Variants in RNF38 observed in about 807,000 individuals in gnomAD.
The protein encoded by RNF38 is ring finger protein 38.
Under a neutral mutation model 67.2 loss-of-function variants are expected in RNF38, and 15 were observed. The observed-to-expected ratio is 0.22, with a 90% CI of 0.15 to 0.34. RNF38 has a LOEUF of 0.34. Ranked by LOEUF, RNF38 falls within the 10% of genes least tolerant of loss-of-function variation. The pLI is 1.00. For missense variants in RNF38, 524 were observed against 639.9 expected, an observed-to-expected ratio of 0.82 and a Z score of 1.95; for synonymous variants, 220 against 218.8, an observed-to-expected ratio of 1.01 and a Z score of -0.05.
At chr9:36,374,928 G>C (rs1003075083) in intron 3 of RNF38, among the ~76,000 whole-genome samples, 6 of 152,236 alleles carry the variant, frequency 3.9e-5, no homozygotes, top group South Asian at 2.1e-4. Context: ...ACATTAATTG[G>C]GGAGGAGGGG....
chr9:36,362,055 A>G (rs976101960), intron 4 of RNF38, among the ~76,000 whole-genome samples: 2 of 152,096 alleles, frequency 1.3e-5, no homozygotes, highest in Non-Finnish European at 2.9e-5. Context: ...GAAATAGTAC[A>G]TTTTAAAATC....
At chr9:36,349,775 T>C (rs1276459536) in intron 9 of RNF38, among the ~76,000 whole-genome samples, 2 of 152,196 alleles carry the variant, frequency 1.3e-5, no homozygotes, top group Non-Finnish European at 2.9e-5. Flanking sequence ...AGGTCTTTAA[T>C]CTATTTTGAG....
At chr9:36,371,178 T>C (rs908270325) in intron 3 of RNF38, among the ~76,000 whole-genome samples, 2 of 152,116 alleles carry the variant, frequency 1.3e-5, no homozygotes, top group Non-Finnish European at 2.9e-5. Flanking sequence ...ACTTTCTTTA[T>C]GGTCACTTTT....
intron 2 of RNF38, among the ~76,000 whole-genome samples, chr9:36,379,176 A>T (rs1464409790): frequency 6.6e-6 from 1 of 152,242 alleles, no homozygotes; most frequent in African/African-American, 2.4e-5. Context: ...TTGGGATTAC[A>T]GGCGTGAGCC....
chr9:36,347,446 A>C (rs1833349609), intron 9 of RNF38, among the ~76,000 whole-genome samples: 1 of 152,204 alleles, frequency 6.6e-6, no homozygotes, highest in Non-Finnish European at 1.5e-5. Flanking sequence ...ACAGTCATGT[A>C]GTCATTTCAT....
upstream of RNF38, chr9:36,400,761 A>G: frequency 1.0e-6 from 1 of 985,624 alleles, no homozygotes; most frequent in Non-Finnish European, 1.2e-6. Flanking sequence ...GCGCCAGGAA[A>G]CGACGGCTGC....
intron 4 of RNF38, among the ~76,000 whole-genome samples, chr9:36,363,177 G>T (rs988960804): frequency 1.0e-5 from 1 of 99,442 alleles, no homozygotes; most frequent in African/African-American, 3.0e-5. Flanking sequence ...GGGCTCGAGG[G>T]ATCCTCCAGC....
At chr9:36,463,111 T>C (rs993487220) in intron 1 of RNF38, among the ~76,000 whole-genome samples, 48 of 152,212 alleles carry the variant, frequency 3.2e-4, no homozygotes, top group African/African-American at 1.1e-3. Flanking sequence ...TATCTTGGCC[T>C]ACCCTGATCT....
chr9:36,402,153 A>G (rs1006666083), upstream of RNF38, among the ~76,000 whole-genome samples: 1 of 152,204 alleles, frequency 6.6e-6, no homozygotes, highest in Non-Finnish European at 1.5e-5. Flanking sequence ...CTGCTGAATC[A>G]AAGTTCCAGC....
Position 36,337,073 on chromosome 9 carries a change from A to T in RNF38, c.*2679T>A, listed in dbSNP as rs116185342. ...CAGCTGAGTTAAGATGGTAAAGCCA[A>T]TATTATTTTAGGAGGAAAGAGGACG... On this transcript the variant is annotated 3_prime_UTR_variant, in exon 12 of 12. Transcript: ENST00000259605. The T allele has an allele frequency of 2.6e-5, 4 of 152,352 alleles. No homozygotes were observed. In the South Asian group the frequency reaches 8.3e-4, roughly 32 times the overall value. The allele number at this position is 152,352 out of a possible 1,614,324, so 9.4% of individuals were successfully genotyped here. A position where few individuals can be genotyped will look rare whatever the true frequency, so the allele number is the denominator to read the frequency against.
intron 2 of RNF38, among the ~76,000 whole-genome samples, chr9:36,422,680 T>C (rs1587110427): frequency 1.3e-5 from 2 of 152,276 alleles, no homozygotes; most frequent in South Asian, 4.1e-4. Context: ...AATCAATATA[T>C]ACATGGTAGG....
At chr9:36,407,838 G>T (rs554423893) in intron 2 of RNF38, among the ~76,000 whole-genome samples, 1 of 152,210 alleles carries the variant, frequency 6.6e-6, no homozygotes, top group African/African-American at 2.4e-5. Flanking sequence ...ACAGATCTAG[G>T]TTATTCTTTT....
At chr9:36,480,534 GT>G (rs1215097060) in intron 1 of RNF38, among the ~76,000 whole-genome samples, 1 of 139,882 alleles carries the variant, frequency 7.1e-6, no homozygotes, top group East Asian at 2.1e-4. Flanking sequence ...TATGTATACA[GT>G]TTTTTTCTTT....
intron 1 of RNF38, among the ~76,000 whole-genome samples, chr9:36,471,214 T>C (rs925306561): frequency 1.1e-4 from 17 of 152,202 alleles, no homozygotes; most frequent in African/African-American, 3.4e-4. Context: ...GAGGCCCATA[T>C]CCAATTTGAC....
At chr9:36,357,996 C>CATTT in intron 4 of RNF38, 54 bp from the exon 5 acceptor site, 1 of 1,484,330 alleles carries the variant, frequency 6.7e-7, no homozygotes, top group Non-Finnish European at 9.3e-7. Context: ...AAAATGTTAA[C>CATTT]TATTCAAAAT....
intron 2 of RNF38, among the ~76,000 whole-genome samples, chr9:36,378,393 G>A (rs1835939075): frequency 6.6e-6 from 1 of 151,972 alleles, no homozygotes; most frequent in South Asian, 2.1e-4. Context: ...AGCTAGGATG[G>A]TCTTGATCTC....
chr9:36,383,151 C>A (rs1024488042), intron 2 of RNF38, among the ~76,000 whole-genome samples: 2 of 152,142 alleles, frequency 1.3e-5, no homozygotes, highest in Non-Finnish European at 2.9e-5. Flanking sequence ...TCATTTTATT[C>A]TCCACAAGCT....
At chr9:36,361,793 A>C (rs1834557401) in intron 4 of RNF38, among the ~76,000 whole-genome samples, 1 of 152,134 alleles carries the variant, frequency 6.6e-6, no homozygotes, top group African/African-American at 2.4e-5. Flanking sequence ...TTGATGCTAG[A>C]TTCTTAAGTC....
chr9:36,385,633 C>T (rs1836566904), intron 2 of RNF38, among the ~76,000 whole-genome samples: 1 of 152,172 alleles, frequency 6.6e-6, no homozygotes, highest in African/African-American at 2.4e-5. Context: ...CCCGCCTCAG[C>T]CTCCCAAAGT....
Sources: allele counts gnomAD v4.1 joint callset (sites outside exome capture counted in the v4.1 genomes callset), GRCh38; gene constraint gnomAD v4.1.1; transcripts MANE v1.5; gene names NCBI Gene and HGNC (gene_info 2026-07-23, HGNC 2026-07-21).